The following FGGY variants were observed in gnomAD, a reference collection of about 807,000 sequenced individuals.
FGGY encodes the protein FGGY carbohydrate kinase domain containing, also known as FGGY carbohydrate kinase domain-containing protein.
In FGGY, 72 loss-of-function variants were observed where a neutral mutation model predicts 71.3. The ratio of observed to expected loss-of-function variants is 1.01; its 90% CI spans 0.84 to 1.23. The LOEUF (loss-of-function observed/expected upper bound fraction) is 1.23. Among genes scored for constraint, FGGY ranks in the 50% most tolerant of loss-of-function variants. The pLI is 0.00. For missense variants in FGGY, 668 were observed against 682.3 expected (o/e 0.98, Z 0.23); for synonymous variants, 251 against 250.3 (o/e 1.00, Z -0.02).
chr1:59,634,491 G>A (rs1054429769), intron 10 of FGGY, among the ~76,000 whole-genome samples: 1 of 152,082 alleles, frequency 6.6e-6, no homozygotes, highest in African/African-American at 2.4e-5. Context: ...TGGTAGAAAA[G>A]GCACAAGTAT....
intron 4 of FGGY, among the ~76,000 whole-genome samples, chr1:59,371,292 G>C (rs1244830125): frequency 6.6e-6 from 1 of 152,036 alleles, no homozygotes; most frequent in Admixed American, 6.5e-5. Context: ...AACCAACAAA[G>C]ATCAAAAGAG....
chr1:59,699,199 G>A, intron 14 of FGGY: 1 of 985,174 alleles, frequency 1.0e-6, no homozygotes, highest in Non-Finnish European at 1.2e-6. Flanking sequence ...AATGTTAGGA[G>A]AAAGAACAGT....
intron 8 of FGGY, among the ~76,000 whole-genome samples, chr1:59,573,237 G>A (rs999071631): frequency 2.0e-5 from 3 of 152,126 alleles, no homozygotes; most frequent in Non-Finnish European, 2.9e-5. Flanking sequence ...ACATTTAGTG[G>A]ATAATAGATG....
chr1:59,377,642 G>T (rs1241130398), intron 4 of FGGY, among the ~76,000 whole-genome samples: 4 of 151,920 alleles, frequency 2.6e-5, no homozygotes, highest in African/African-American at 4.8e-5. Context: ...TGTGGGGGTG[G>T]TATGGGTTGT....
intron 3 of FGGY, among the ~76,000 whole-genome samples, chr1:59,342,648 G>T (rs1387155277): frequency 2.6e-5 from 4 of 152,098 alleles, no homozygotes; most frequent in Non-Finnish European, 5.9e-5. Context: ...GAATTATAAA[G>T]GTGGTTTGAA....
intron 13 of FGGY, among the ~76,000 whole-genome samples, chr1:59,671,770 T>C (rs935372242): frequency 6.6e-6 from 1 of 152,202 alleles, no homozygotes; most frequent in Non-Finnish European, 1.5e-5. Context: ...AACCCCATTT[T>C]TCAGATGAGA....
At chr1:59,688,834 C>T (rs2097566255) in intron 14 of FGGY, among the ~76,000 whole-genome samples, 1 of 151,948 alleles carries the variant, frequency 6.6e-6, no homozygotes, top group Admixed American at 6.6e-5. Context: ...ACTGCAACCT[C>T]CACCTCCCTG....
intron 11 of FGGY, among the ~76,000 whole-genome samples, chr1:59,651,615 C>T (rs1260158139): frequency 2.0e-5 from 3 of 150,402 alleles, no homozygotes; most frequent in Non-Finnish European, 4.4e-5. Flanking sequence ...GTAGATCTTC[C>T]TCCATCCTTT....
intron 8 of FGGY, among the ~76,000 whole-genome samples, chr1:59,606,498 T>A (rs1572006975): frequency 6.6e-6 from 1 of 152,214 alleles, no homozygotes; most frequent in African/African-American, 2.4e-5. Context: ...TATTTTGACC[T>A]TTTTAGTCAT....
At chr1:59,616,413 T>C (rs556013972) in intron 9 of FGGY, among the ~76,000 whole-genome samples, 1 of 152,148 alleles carries the variant, frequency 6.6e-6, no homozygotes, top group Non-Finnish European at 1.5e-5. Flanking sequence ...TTCTCACTCA[T>C]AGGTGGGAAT....
At chr1:59,444,672 A>G (rs1432320507) in intron 5 of FGGY, among the ~76,000 whole-genome samples, 1 of 152,170 alleles carries the variant, frequency 6.6e-6, no homozygotes, top group Non-Finnish European at 1.5e-5. Context: ...CAGTGGCATT[A>G]GCTCCTCAAA....
chr1:59,375,188 G>A lies in FGGY; in HGVS notation c.466-3561G>A, dbSNP rs191596181. On this transcript the variant is annotated intron_variant, in intron 4 of 15. Transcript: ENST00000303721. Reference sequence around the variant, plus strand: ...GGCAGGAGAATCTCTTGAACCCGGGGTGCAGAGGTTGCAGTGAGCTGAGAT... The same window carrying A: ...GGCAGGAGAATCTCTTGAACCCGGGATGCAGAGGTTGCAGTGAGCTGAGAT... Among the ~76,000 whole-genome samples the A allele has an allele frequency of 3.5e-4, 52 of 149,594 alleles. No individual in the cohort carries two copies. The South Asian group carries it at 8.5e-3, about 24-fold the overall frequency.
At chr1:59,334,736 C>G (rs570731757) in intron 2 of FGGY, among the ~76,000 whole-genome samples, 7 of 152,138 alleles carry the variant, frequency 4.6e-5, no homozygotes, top group African/African-American at 1.7e-4. Flanking sequence ...GTGAATTTCA[C>G]TAAATGAGGA....
chr1:59,662,798 G>A (rs1221030207), intron 12 of FGGY, among the ~76,000 whole-genome samples: 1 of 152,158 alleles, frequency 6.6e-6, no homozygotes, highest in Non-Finnish European at 1.5e-5. Context: ...ATCTAGGTTT[G>A]TGGAAGTACA....
intron 5 of FGGY, among the ~76,000 whole-genome samples, chr1:59,424,145 A>G (rs2065923157): frequency 6.6e-6 from 1 of 152,260 alleles, no homozygotes; most frequent in Admixed American, 6.5e-5. Flanking sequence ...AAGATGTGTG[A>G]GGAACTTGTG....
intron 2 of FGGY, among the ~76,000 whole-genome samples, chr1:59,322,892 C>T (rs1281627586): frequency 6.6e-6 from 1 of 152,044 alleles, no homozygotes. Context: ...AGTTTAGTTC[C>T]TTAAATATTC....
At chr1:59,609,088 C>T (rs2096650824) in intron 9 of FGGY, among the ~76,000 whole-genome samples, 1 of 151,954 alleles carries the variant, frequency 6.6e-6, no homozygotes, top group South Asian at 2.1e-4. Context: ...TAAGGACAAA[C>T]CAGGTAAAGA....
At chr1:59,408,114 G>A (rs529335858) in intron 5 of FGGY, among the ~76,000 whole-genome samples, 14 of 152,298 alleles carry the variant, frequency 9.2e-5, no homozygotes, top group African/African-American at 1.7e-4. Flanking sequence ...AGAAAAACTC[G>A]AATTCTGGGG....
intron 14 of FGGY, among the ~76,000 whole-genome samples, chr1:59,741,581 A>G (rs2098147776): frequency 6.6e-6 from 1 of 151,936 alleles, no homozygotes; most frequent in South Asian, 2.1e-4. Context: ...AAGCAGGAAG[A>G]TTGCTTGAGG....
Sources: allele counts gnomAD v4.1 joint callset (sites outside exome capture counted in the v4.1 genomes callset), GRCh38; gene constraint gnomAD v4.1.1; transcripts MANE v1.5; gene names NCBI Gene and HGNC (gene_info 2026-07-23, HGNC 2026-07-21).